WSCD2: variants seen among roughly 807,000 people sequenced by gnomAD.
WSCD2 encodes WSC domain sialate O sulfotransferase 2, also known as sialate:O-sulfotransferase 2.
Under a neutral mutation model 55.7 loss-of-function variants are expected in WSCD2, and 28 were observed. The ratio of observed to expected loss-of-function variants is 0.50; its 90% CI spans 0.37 to 0.69. WSCD2 has a LOEUF of 0.69. WSCD2 is among the 30% of genes least tolerant of loss of function. The pLI is 0.00. For synonymous variants in WSCD2, 301 were observed against 301.9 expected (o/e 1.00, Z 0.03); for missense variants, 616 against 762.1 (o/e 0.81, Z 2.26).
intron 4 of WSCD2, among the ~76,000 whole-genome samples, chr12:108,218,194 G>A (rs1343847467): frequency 1.3e-5 from 2 of 152,232 alleles, no homozygotes; most frequent in African/African-American, 4.8e-5. Context: ...TCTGAAATGA[G>A]AGGAAACTTG....
At chr12:108,244,119 A>T (rs1014280335) in intron 8 of WSCD2, among the ~76,000 whole-genome samples, 4 of 152,226 alleles carry the variant, frequency 2.6e-5, no homozygotes, top group Non-Finnish European at 4.4e-5. Context: ...AAGAAGATGG[A>T]GGGGAGGCTG....
Position 108,220,979 on chromosome 12 carries a change from C to A in WSCD2, c.683-3760C>A, listed in dbSNP as rs112028859. ...TAACACTGGAAGCCAGCTAGCCTCCCTCAGCCTCCTCAGTTTTCTCATCTG... is the reference window on the plus strand; with the variant it reads ...TAACACTGGAAGCCAGCTAGCCTCCATCAGCCTCCTCAGTTTTCTCATCTG... On this transcript the variant is annotated intron_variant, in intron 4 of 8. Coordinates refer to ENST00000547525, the MANE Select transcript of WSCD2 (RefSeq NM_014653.4). Among the ~76,000 whole-genome samples, 665 of 152,298 alleles carry A rather than the reference C, an allele frequency of 4.4e-3. 4 individuals carry two copies. The highest frequency in any genetic ancestry group is 0.014 in the African/African-American group (580 of 41,550).
chr12:108,244,706 C>A, intron 8 of WSCD2: 1 of 680,612 alleles, frequency 1.5e-6, no homozygotes, highest in Non-Finnish European at 2.7e-6. Context: ...AGTCTGACTG[C>A]AGAATCATCT....
intron 1 of WSCD2, among the ~76,000 whole-genome samples, chr12:108,166,740 C>A (rs1377492805): frequency 3.6e-5 from 2 of 55,416 alleles, no homozygotes; most frequent in East Asian, 1.0e-3. Context: ...TTCTTTCTTT[C>A]TTTCCTTCTT....
intron 3 of WSCD2, among the ~76,000 whole-genome samples, chr12:108,209,521 TGA>T (rs1885847918): frequency 6.6e-6 from 1 of 151,758 alleles, no homozygotes; most frequent in Admixed American, 6.6e-5. Context: ...TGTGTACAGG[TGA>T]GTGTGAATAT....
In WSCD2 at chr12:108,228,187, T is replaced by C. The variant is rs1022027905; in HGVS notation, c.979+1023T>C. Among the ~76,000 whole-genome samples the C allele has an allele frequency of 2.6e-5, 4 of 152,112 alleles. No individual in the cohort carries two copies. In the East Asian group the frequency reaches 5.8e-4, roughly 22 times the overall value. Reference sequence around the variant, plus strand: ...AGGGTGGGTGGCACTTGGATGGGGATTGGGGGGCATCCCTTGCTAGGACAC... The same window carrying C: ...AGGGTGGGTGGCACTTGGATGGGGACTGGGGGGCATCCCTTGCTAGGACAC... On this transcript the variant is annotated intron_variant, in intron 6 of 8. Coordinates refer to ENST00000547525, the MANE Select transcript of WSCD2 (RefSeq NM_014653.4).
intron 1 of WSCD2, among the ~76,000 whole-genome samples, chr12:108,134,985 T>G (rs1416167983): frequency 6.6e-6 from 1 of 152,170 alleles, no homozygotes; most frequent in African/African-American, 2.4e-5. Context: ...AGCAGGCATG[T>G]TTTATGTAAC....
chr12:108,245,599 T>C (rs1339841852), intron 8 of WSCD2, among the ~76,000 whole-genome samples: 1 of 152,212 alleles, frequency 6.6e-6, no homozygotes, highest in African/African-American at 2.4e-5. Context: ...CCTAGAAGTT[T>C]GGATCTGTGT....
At chr12:108,216,483 G>T (rs1886845113) in intron 4 of WSCD2, among the ~76,000 whole-genome samples, 1 of 152,254 alleles carries the variant, frequency 6.6e-6, no homozygotes. Flanking sequence ...GCTGTGAAAA[G>T]CAGTGGCCCT....
rs1235644299 is a variant in WSCD2, at chr12:108,210,429, G to A, written c.682+124G>A. On this transcript the variant is annotated intron_variant, in intron 4 of 8. Coordinates refer to ENST00000547525, the MANE Select transcript of WSCD2 (RefSeq NM_014653.4). The surrounding 1 kb of genome is among the most constrained non-coding windows in gnomAD (Gnocchi z 4.3). ...TCCCCATCACTCCAAGGCCACCACC[G>A]TCCTGCCCCTGCCTCACCTCTCCCA... 1.2e-5 allele frequency: 15 copies of A among 1,300,840 alleles called. No homozygotes were observed. Among genetic ancestry groups the A allele is most frequent in the African/African-American group, 3.0e-5 (2 of 67,738 alleles). 80.6% of individuals were successfully genotyped at this position (1,300,840 alleles called of 1,614,324 possible).
rs531249015 is a variant in WSCD2 at position 108,190,184 on chromosome 12, C to T, written c.-551-5098C>T. Among the ~76,000 whole-genome samples, 11 of 152,272 alleles carry T rather than the reference C, an allele frequency of 7.2e-5. No homozygotes were observed. The East Asian group carries it at 2.1e-3, about 29-fold the overall frequency. On this transcript the variant is annotated intron_variant, in intron 1 of 8. Transcript: ENST00000547525. ...GGCACAATGGGAATAAGATGACTGG[C>T]ATATAGTATGCGCTCAACAAACACC... is the stretch of plus-strand genomic sequence containing the variant.
rs150883001 is a variant in WSCD2, at chr12:108,188,512, C to T, written c.-551-6770C>T. ...CACCCACTGTACGGGGTGCAAAAGC[C>T]TTCCCTAGGGTTAGCTGGGTTACTA... On this transcript the variant is annotated intron_variant, in intron 1 of 8. Transcript: ENST00000547525. Among the ~76,000 whole-genome samples, 490 of 152,192 alleles carry T rather than the reference C, an allele frequency of 3.2e-3. 1 individual carries two copies. The highest frequency in any genetic ancestry group is 0.011 in the African/African-American group (465 of 41,520).
chr12:108,181,017 G>T (rs946577255), intron 1 of WSCD2, among the ~76,000 whole-genome samples: 4 of 152,242 alleles, frequency 2.6e-5, no homozygotes, highest in African/African-American at 9.6e-5. Context: ...GGGGAGTCCG[G>T]ATTCAAGCCC....
intron 1 of WSCD2, chr12:108,131,883 A>G (rs757434532): frequency 2.0e-5 from 3 of 152,294 alleles, no homozygotes; most frequent in Non-Finnish European, 4.4e-5. Context: ...CATGGCTTCA[A>G]CTTCGCAGCT....
chr12:108,205,413 T>C (rs890874004), intron 2 of WSCD2, among the ~76,000 whole-genome samples: 2 of 152,152 alleles, frequency 1.3e-5, no homozygotes, highest in African/African-American at 2.4e-5. Context: ...ATAATAATCT[T>C]AAAAAACATA....
intron 7 of WSCD2, among the ~76,000 whole-genome samples, chr12:108,240,119 C>T (rs1421345710): frequency 6.6e-6 from 1 of 152,216 alleles, no homozygotes; most frequent in African/African-American, 2.4e-5. Context: ...CTCTCAAAAA[C>T]AGGAAGACTC....
At chr12:108,132,119 T>C (rs1156486455) in intron 1 of WSCD2, among the ~76,000 whole-genome samples, 1 of 138,402 alleles carries the variant, frequency 7.2e-6, no homozygotes, top group African/African-American at 2.5e-5. Flanking sequence ...GGGAATGCAG[T>C]GGACTGGTCA....
intron 5 of WSCD2, among the ~76,000 whole-genome samples, chr12:108,226,470 C>A (rs1888099948): frequency 6.6e-6 from 1 of 152,062 alleles, no homozygotes; most frequent in Non-Finnish European, 1.5e-5. Flanking sequence ...TGGTGTATTG[C>A]ATGACCACGA....
At chr12:108,242,646 G>A (rs189898790) in intron 8 of WSCD2, among the ~76,000 whole-genome samples, 4 of 152,226 alleles carry the variant, frequency 2.6e-5, no homozygotes, top group East Asian at 1.9e-4. Context: ...TCTGAGTTAC[G>A]TTTGCAGGAT....
Sources: allele counts gnomAD v4.1 joint callset (sites outside exome capture counted in the v4.1 genomes callset), GRCh38; gene constraint gnomAD v4.1.1; non-coding constraint Gnocchi (gnomAD v3.1); transcripts MANE v1.5; gene names NCBI Gene and HGNC (gene_info 2026-07-23, HGNC 2026-07-21).